Variants in EFNA5 observed in about 807,000 individuals in gnomAD.
EFNA5 encodes ephrin-A5.
In EFNA5, 5 loss-of-function variants were observed where a neutral mutation model predicts 22.9. The ratio of observed to expected loss-of-function variants is 0.22; its 90% CI spans 0.11 to 0.46. The LOEUF is 0.46. Among genes scored for constraint, EFNA5 ranks in the 20% least tolerant of loss-of-function variants. The pLI is 0.99. For missense variants in EFNA5, 237 were observed against 293.3 expected (o/e 0.81, Z 1.40); for synonymous variants, 113 against 112.2 (o/e 1.01, Z -0.04).
chr5:107,557,164 G>A (rs914416806), intron 1 of EFNA5, among the ~76,000 whole-genome samples: 2 of 152,148 alleles, frequency 1.3e-5, no homozygotes, highest in South Asian at 2.1e-4. Context: ...AAGCTACACA[G>A]GGCACAGATC....
In EFNA5 at chr5:107,387,283, G is replaced by A. The variant is rs1359871751; in HGVS notation, c.517C>T (p.Arg173Cys). 1.2e-6 allele frequency: 2 copies of A among 1,604,448 alleles called. No homozygotes were observed. Among genetic ancestry groups the A allele is most frequent in the Non-Finnish European group, 1.7e-6 (2 of 1,173,768 alleles). The change falls in exon 4 of 5, where the codon CGT (arginine) becomes TGT (cysteine). Residue 173 changes from arginine (R) to cysteine (C), a missense_variant. Physicochemically the swap from Arg to Cys is radical, Grantham distance 180. Coordinates refer to ENST00000333274, the MANE Select transcript of EFNA5 (RefSeq NM_001962.3). ...SCMKTIGVHDRVFDVNDKVEN... is the reference protein window; with the variant it reads ...SCMKTIGVHDCVFDVNDKVEN... ...ACTTTGTCGTTAACATCGAAAACACGATCATGAACACCTATAGTTTTCATA... is the reference window on the plus strand; with the variant it reads ...ACTTTGTCGTTAACATCGAAAACACAATCATGAACACCTATAGTTTTCATA...
intron 1 of EFNA5, among the ~76,000 whole-genome samples, chr5:107,525,617 A>G (rs1747679872): frequency 6.6e-6 from 1 of 152,212 alleles, no homozygotes; most frequent in Non-Finnish European, 1.5e-5. Context: ...TAGGAAAATC[A>G]TAAGGAAGAG....
chr5:107,417,140 T>C (rs1748524784), intron 2 of EFNA5, among the ~76,000 whole-genome samples: 1 of 152,202 alleles, frequency 6.6e-6, no homozygotes. Context: ...TTTATGGGTT[T>C]ACATGCAAAA....
intron 1 of EFNA5, among the ~76,000 whole-genome samples, chr5:107,582,934 C>T (rs894348802): frequency 2.6e-5 from 4 of 152,098 alleles, no homozygotes; most frequent in Admixed American, 1.3e-4. Flanking sequence ...AGTAGGATTC[C>T]TTTATGGCTT....
chr5:107,427,465 T>C lies in EFNA5; in HGVS notation c.170A>G (p.Tyr57Cys). The change falls in exon 2 of 5, where the codon TAC becomes TGC. Residue 57 changes from tyrosine (Y) to cysteine (C), a missense_variant. Coordinates refer to ENST00000333274, the MANE Select transcript of EFNA5 (RefSeq NM_001962.3). ...ATAGTGAGGGCAGAAAACATCCAGG[T>C]AGTCATTGATACAGACATCAATATG... ...DYHIDVCIND[Y>C]LDVFCPHYED... 6.2e-7 allele frequency: 1 copy of C among 1,613,738 alleles called. No individual in the cohort carries two copies. Among genetic ancestry groups the C allele is most frequent in the East Asian group, 2.2e-5 (1 of 44,870 alleles).
chr5:107,490,615 C>A (rs1245427434), intron 1 of EFNA5, among the ~76,000 whole-genome samples: 4 of 150,302 alleles, frequency 2.7e-5, no homozygotes, highest in Admixed American at 6.6e-5. Context: ...TAGGCTACCA[C>A]CTGCACTGCA....
chr5:107,498,071 A>G (rs1322194464), intron 1 of EFNA5, among the ~76,000 whole-genome samples: 4 of 152,136 alleles, frequency 2.6e-5, no homozygotes, highest in Non-Finnish European at 5.9e-5. Context: ...ATGTGCCATC[A>G]TGCCCAGCTA....
chr5:107,396,011 C>T (rs1747913628), intron 2 of EFNA5, among the ~76,000 whole-genome samples: 1 of 152,154 alleles, frequency 6.6e-6, no homozygotes, highest in Admixed American at 6.5e-5. Context: ...GCCACAAATC[C>T]CATTCCTCAT....
At chr5:107,533,829 A>C (rs957572106) in intron 1 of EFNA5, among the ~76,000 whole-genome samples, 3 of 152,184 alleles carry the variant, frequency 2.0e-5, no homozygotes, top group Admixed American at 1.3e-4. Flanking sequence ...CTTTCACCAA[A>C]ATGCAGTAAC....
intron 1 of EFNA5, among the ~76,000 whole-genome samples, chr5:107,644,657 T>G (rs1267223039): frequency 2.0e-5 from 3 of 152,158 alleles, no homozygotes; most frequent in Admixed American, 6.6e-5. Context: ...AGAAGTGAAT[T>G]TCCTCAACAA....
intron 2 of EFNA5, among the ~76,000 whole-genome samples, chr5:107,410,238 G>C (rs568602888): frequency 6.6e-6 from 1 of 152,034 alleles, no homozygotes; most frequent in South Asian, 2.1e-4. Flanking sequence ...CACCATGTTA[G>C]CCAGGATGGT....
intron 1 of EFNA5, among the ~76,000 whole-genome samples, chr5:107,626,634 C>T (rs1159526951): frequency 1.3e-5 from 2 of 152,066 alleles, no homozygotes; most frequent in Admixed American, 6.5e-5. Flanking sequence ...GGACAGAAGC[C>T]TTGTTGGACC....
intron 1 of EFNA5, among the ~76,000 whole-genome samples, chr5:107,483,455 G>A (rs1399836220): frequency 1.3e-5 from 2 of 152,094 alleles, no homozygotes; most frequent in Non-Finnish European, 1.5e-5. Context: ...GATTCTAGAC[G>A]GTGACAAGGC....
At chr5:107,493,056 T>TA (rs1050582005) in intron 1 of EFNA5, among the ~76,000 whole-genome samples, 2 of 151,786 alleles carry the variant, frequency 1.3e-5, no homozygotes, top group South Asian at 2.1e-4. Context: ...ACAGGAAAGC[T>TA]AAAAAAATGC....
At chr5:107,659,721 G>C (rs1167507622) in intron 1 of EFNA5, among the ~76,000 whole-genome samples, 1 of 151,864 alleles carries the variant, frequency 6.6e-6, no homozygotes, top group Non-Finnish European at 1.5e-5. Context: ...ATAATAGTCA[G>C]ATATGTTAAT....
chr5:107,617,223 CACACACACACACACAGAG>C (rs1251981207), intron 1 of EFNA5, among the ~76,000 whole-genome samples: 1 of 147,482 alleles, frequency 6.8e-6, no homozygotes, highest in Non-Finnish European at 1.5e-5. Context: ...CACACACACA[CACACACACACACACAGAG>C]AGAGAGAGAG....
chr5:107,601,132 T>C lies in EFNA5; in HGVS notation c.125+69357A>G, dbSNP rs555076613. ...AATCTACAAGTAACTTCGAAAGAGG[T>C]TTAGATTGTTTCATAGGAAAAGCAT... On this transcript the variant is annotated intron_variant, in intron 1 of 4. Transcript: ENST00000333274. 1.4e-4 allele frequency among the ~76,000 whole-genome samples: 21 copies of C among 152,206 alleles called. No individual in the cohort carries two copies. In the South Asian group the frequency reaches 3.3e-3, roughly 24 times the overall value.
chr5:107,426,051 T>C (rs1263498061), intron 2 of EFNA5, among the ~76,000 whole-genome samples: 1 of 152,180 alleles, frequency 6.6e-6, no homozygotes, highest in Non-Finnish European at 1.5e-5. Context: ...CCTGAATTTA[T>C]CTTCATCATC....
chr5:107,499,719 C>T (rs1257342474), intron 1 of EFNA5, among the ~76,000 whole-genome samples: 1 of 152,152 alleles, frequency 6.6e-6, no homozygotes, highest in Non-Finnish European at 1.5e-5. Context: ...AGCAGGGTTG[C>T]TATTTTCCCT....
Sources: allele counts gnomAD v4.1 joint callset (sites outside exome capture counted in the v4.1 genomes callset), GRCh38; gene constraint gnomAD v4.1.1; transcripts MANE v1.5; gene names NCBI Gene and HGNC (gene_info 2026-07-23, HGNC 2026-07-21).